VTI1B: variants seen among roughly 807,000 people sequenced by gnomAD.
VTI1B encodes vesicle transport through interaction with t-SNAREs homolog 1B.
VTI1B carries 18 observed loss-of-function variants against 28.6 expected under a neutral mutation model. The observed-to-expected ratio is 0.63, with a 90% confidence interval of 0.43 to 0.93. The LOEUF (loss-of-function observed/expected upper bound fraction) is 0.93. Ranked by LOEUF, VTI1B falls within the 40% of genes least tolerant of loss-of-function variation. The pLI is 0.00. For missense variants in VTI1B, 283 were observed against 297.0 expected, an observed-to-expected ratio of 0.95 and a Z score of 0.35; for synonymous variants, 100 against 107.9, an observed-to-expected ratio of 0.93 and a Z score of 0.46.
At chr14:67,651,592 G>T in intron 5 of VTI1B, 111 bp from the exon 6 acceptor site, 2 of 1,200,218 alleles carry the variant, frequency 1.7e-6, no homozygotes, top group South Asian at 1.5e-5. Flanking sequence ...CTGTATGTTT[G>T]ATCACACAGC....
intron 1 of VTI1B, chr14:67,662,984 G>A: frequency 7.3e-7 from 1 of 1,362,124 alleles, no homozygotes; most frequent in African/African-American, 1.5e-5. Flanking sequence ...CCACTTCTAT[G>A]TTAACTCGTA....
intron 4 of VTI1B, among the ~76,000 whole-genome samples, chr14:67,654,300 T>A (rs2037226262): frequency 6.6e-6 from 1 of 150,802 alleles, no homozygotes; most frequent in Admixed American, 6.6e-5. Context: ...AGATGAGGTC[T>A]CGCTATAGAG....
chr14:67,665,913 T>C (rs934792156), intron 1 of VTI1B, among the ~76,000 whole-genome samples: 1 of 152,206 alleles, frequency 6.6e-6, no homozygotes, highest in Admixed American at 6.5e-5. Flanking sequence ...TGACCATCTA[T>C]GATGTAACTG....
rs1427858144 is a variant in VTI1B, at chr14:67,647,762, G to A, written c.*3623C>T. The A allele has an allele frequency of 6.1e-6, 2 of 327,720 alleles. No homozygotes were observed. Among genetic ancestry groups the A allele is most frequent in the Non-Finnish European group, 1.1e-5 (2 of 178,446 alleles). 20.3% of individuals were successfully genotyped at this position (327,720 alleles called of 1,614,324 possible). Reference sequence around the variant, plus strand: ...TCTCTATTGACAGTTATTAGTATAAGAGGTTCTAATACCCAGTGTAAGGCA... The same window carrying A: ...TCTCTATTGACAGTTATTAGTATAAAAGGTTCTAATACCCAGTGTAAGGCA... On this transcript the variant is annotated 3_prime_UTR_variant, in exon 6 of 6. Coordinates refer to ENST00000554659, the MANE Select transcript of VTI1B (RefSeq NM_006370.3).
chr14:67,653,464 C>A lies in VTI1B; in HGVS notation c.575G>T (p.Arg192Leu). 1 of 1,613,900 alleles carries A rather than the reference C, an allele frequency of 6.2e-7. No homozygotes were observed. The highest frequency in any genetic ancestry group is 1.3e-5 in the African/African-American group (1 of 74,988). The change falls in exon 5 of 6, where the codon CGG (arginine) becomes CTG (leucine). Residue 192 changes from arginine (R) to leucine (L), a missense_variant. By Grantham distance (102) the Arg-to-Leu change is moderately radical (BLOSUM62 -2). Transcript: ENST00000554659. ...VNTSENLSKS[R>L]KILRSMSRKV... The stretch of plus-strand genomic sequence containing the variant: ...TCTGGACATTGAACGGAGAATCTTC[C>A]GACTTTTGCTCAAGTTTTCACTTGT...
chr14:67,667,983 A>C (rs1212688581), intron 1 of VTI1B, among the ~76,000 whole-genome samples: 1 of 152,196 alleles, frequency 6.6e-6, no homozygotes. Context: ...ATGAGGAGTT[A>C]GAATAGTTAA....
Position 67,662,992 on chromosome 14 carries a change from G to A in VTI1B, c.116-457C>T, listed in dbSNP as rs571929962. The stretch of plus-strand genomic sequence containing the variant: ...CAGTGAACCACTTCTATGTTAACTC[G>A]TACACTACTTTTCTGCAAAATAAAA... On this transcript the variant is annotated intron_variant, in intron 1 of 5. Transcript: ENST00000554659. 8.3e-5 allele frequency: 115 copies of A among 1,385,028 alleles called. 1 individual carries two copies. The South Asian group carries it at 1.8e-3, about 22-fold the overall frequency. 85.8% of individuals were successfully genotyped at this position (1,385,028 alleles called of 1,614,324 possible). A position where few individuals can be genotyped will look rare whatever the true frequency, so the allele number is the denominator to read the frequency against.
At position 67,674,506 on chromosome 14, in the gene VTI1B, G is replaced by C. The variant is rs1250802203; in HGVS notation, c.-17C>G. On this transcript the variant is annotated 5_prime_UTR_variant, in exon 1 of 6. Transcript: ENST00000554659. ...GGAGGCCATGGCGCAGGCCGCGCTGGAGCAGCGGCCACCGAGATTCGGGGC... is the reference window on the plus strand; with the variant it reads ...GGAGGCCATGGCGCAGGCCGCGCTGCAGCAGCGGCCACCGAGATTCGGGGC... The C allele has an allele frequency of 6.3e-7, 1 of 1,576,324 alleles. No homozygotes were observed. Among genetic ancestry groups the C allele is most frequent in the East Asian group, 2.3e-5 (1 of 43,172 alleles).
rs1295439496 is a variant in VTI1B, at chr14:67,658,206, T to TCA, written c.366+1524_366+1525insTG. Among the ~76,000 whole-genome samples the TCA allele has an allele frequency of 2.0e-5, 3 of 149,204 alleles. No homozygotes were observed. In the East Asian group the frequency reaches 6.3e-4, roughly 31 times the overall value. ...ATTTTCAACTGAGTAGGCTAAAAAATGACTAAGAAAAGATCAGATCACATA... is the reference window on the plus strand; with the variant it reads ...ATTTTCAACTGAGTAGGCTAAAAAATCAGACTAAGAAAAGATCAGATCACATA... On this transcript the variant is annotated intron_variant, in intron 3 of 5. Transcript: ENST00000554659.
At chr14:67,673,241 G>A (rs2037491083) in intron 1 of VTI1B, among the ~76,000 whole-genome samples, 1 of 152,162 alleles carries the variant, frequency 6.6e-6, no homozygotes, top group African/African-American at 2.4e-5. Flanking sequence ...TTACTCCAGA[G>A]GCTGAGGCAG....
rs181593235 is a variant in VTI1B, at chr14:67,671,031, C to G, written c.115+3344G>C. Among the ~76,000 whole-genome samples, 7 of 152,240 alleles carry G rather than the reference C, an allele frequency of 4.6e-5. No individual in the cohort carries two copies. In the East Asian group the frequency reaches 9.6e-4, roughly 21 times the overall value. On this transcript the variant is annotated intron_variant, in intron 1 of 5. Transcript: ENST00000554659. ...CTCTGAAAACTTTATGATGTGGTCTCTGAACTAGAAAAAGAGGATTCAGAG... is the reference window on the plus strand; with the variant it reads ...CTCTGAAAACTTTATGATGTGGTCTGTGAACTAGAAAAAGAGGATTCAGAG...
chr14:67,655,028 C>CAAAAAAA (rs34482334), intron 4 of VTI1B, among the ~76,000 whole-genome samples: 1 of 43,468 alleles, frequency 2.3e-5, no homozygotes, highest in Non-Finnish European at 3.9e-5. Context: ...GACTCCATCT[C>CAAAAAAA]AAAAAAAAAA....
intron 1 of VTI1B, among the ~76,000 whole-genome samples, chr14:67,669,821 C>T (rs755635222): frequency 2.0e-5 from 3 of 152,138 alleles, no homozygotes; most frequent in Admixed American, 1.3e-4. Context: ...ACTCTTGGGC[C>T]GGGAACTGTA....
At chr14:67,665,613 A>G (rs1594840140) in intron 1 of VTI1B, among the ~76,000 whole-genome samples, 1 of 152,108 alleles carries the variant, frequency 6.6e-6, no homozygotes, top group African/African-American at 2.4e-5. Flanking sequence ...GGATGCGTAT[A>G]TTCTATAATC....
At chr14:67,664,916 G>C (rs553269972) in intron 1 of VTI1B, among the ~76,000 whole-genome samples, 1 of 152,274 alleles carries the variant, frequency 6.6e-6, no homozygotes, top group African/African-American at 2.4e-5. Context: ...GCCCAGGCTG[G>C]AGTGCCGTGG....
At chr14:67,661,949 G>A (rs2037341123) in intron 2 of VTI1B, among the ~76,000 whole-genome samples, 1 of 151,944 alleles carries the variant, frequency 6.6e-6, no homozygotes, top group Non-Finnish European at 1.5e-5. Flanking sequence ...GAGGTCAGGA[G>A]ATCGAGACCA....
chr14:67,649,583 G>A lies in VTI1B; in HGVS notation c.*1802C>T, dbSNP rs113591899. The A allele has an allele frequency of 7.7e-4, 118 of 152,292 alleles. 1 individual carries two copies. Among genetic ancestry groups the A allele is most frequent in the African/African-American group, 2.8e-3 (116 of 41,566 alleles). The allele number at this position is 152,292 out of a possible 1,614,324, so 9.4% of individuals were successfully genotyped here. A position where few individuals can be genotyped will look rare whatever the true frequency, so the allele number is the denominator to read the frequency against. The stretch of plus-strand genomic sequence containing the variant: ...TGCTAAAGGTGCAGGTTTAGTCAGT[G>A]GAAATCAGAGACAAATCAGGAACAC... On this transcript the variant is annotated 3_prime_UTR_variant, in exon 6 of 6. Coordinates refer to ENST00000554659, the MANE Select transcript of VTI1B (RefSeq NM_006370.3).
chr14:67,670,077 G>T (rs961744728), intron 1 of VTI1B, among the ~76,000 whole-genome samples: 2 of 152,130 alleles, frequency 1.3e-5, no homozygotes, highest in African/African-American at 4.8e-5. Flanking sequence ...CCTGGATGAC[G>T]GGAGACAGGA....
intron 1 of VTI1B, among the ~76,000 whole-genome samples, chr14:67,664,804 T>C (rs916338519): frequency 1.3e-5 from 2 of 152,196 alleles, no homozygotes; most frequent in African/African-American, 4.8e-5. Context: ...AGAAATGGCA[T>C]GTGGGTATTC....
Sources: allele counts gnomAD v4.1 joint callset (sites outside exome capture counted in the v4.1 genomes callset), GRCh38; gene constraint gnomAD v4.1.1; transcripts MANE v1.5; gene names NCBI Gene and HGNC (gene_info 2026-07-23, HGNC 2026-07-21).